The following ADAM23 variants were observed in gnomAD, a reference collection of about 807,000 sequenced individuals.
ADAM23 encodes ADAM metallopeptidase domain 23.
A neutral mutation model predicts 120.1 loss-of-function variants in ADAM23; 33 were observed. The observed-to-expected ratio is 0.27, with a 90% CI of 0.21 to 0.37. The LOEUF is 0.37. Ranked by LOEUF, ADAM23 falls within the 10% of genes least tolerant of loss-of-function variation. The probability of loss-of-function intolerance (pLI) is 1.00; values close to 1 mark genes in which losing one functional copy is unlikely to be tolerated. For synonymous variants in ADAM23, 367 were observed against 375.2 expected, an observed-to-expected ratio of 0.98 and a Z score of 0.25; for missense variants, 862 against 1,058.2, an observed-to-expected ratio of 0.81 and a Z score of 2.57.
intron 12 of ADAM23, among the ~76,000 whole-genome samples, chr2:206,561,610 G>C (rs941894938): frequency 6.6e-6 from 1 of 151,548 alleles, no homozygotes; most frequent in Admixed American, 6.6e-5. Flanking sequence ...TTCTCCCTAT[G>C]TATATATTTT....
In ADAM23 at chr2:206,562,230, GTAT is replaced by G; in HGVS notation, c.1286_1288del (p.Leu429del). 1 of 1,614,042 alleles carries G rather than the reference GTAT, an allele frequency of 6.2e-7. No homozygotes were observed. The highest frequency in any genetic ancestry group is 8.5e-7 in the Non-Finnish European group (1 of 1,179,944). On this transcript the variant is annotated inframe_deletion, in exon 13 of 26. Transcript: ENST00000264377. The stretch of plus-strand genomic sequence containing the variant: ...TGGTCTTCCAATGGCAGTGGCACAA[GTAT>G]TATCGCAGAGCCTGGCTCAAAACCT...
intron 3 of ADAM23, among the ~76,000 whole-genome samples, chr2:206,510,281 A>T (rs1031761934): frequency 2.6e-5 from 4 of 152,210 alleles, no homozygotes; most frequent in Non-Finnish European, 5.9e-5. Flanking sequence ...GATCAGACAA[A>T]TACTGTATTT....
chr2:206,588,015 A>G, intron 19 of ADAM23, 76 bp from the exon 20 acceptor site: 1 of 1,480,300 alleles, frequency 6.8e-7, no homozygotes, highest in Non-Finnish European at 9.4e-7. Flanking sequence ...AGTGAACCAG[A>G]AGGAGACATT....
chr2:206,611,055 A>G (rs1477036128), intron 25 of ADAM23, among the ~76,000 whole-genome samples: 2 of 152,204 alleles, frequency 1.3e-5, no homozygotes, highest in East Asian at 3.8e-4. Flanking sequence ...TTTGAATTCA[A>G]TATGTTTCAG....
At chr2:206,540,604 A>G (rs924866738) in intron 4 of ADAM23, among the ~76,000 whole-genome samples, 5 of 152,148 alleles carry the variant, frequency 3.3e-5, no homozygotes, top group African/African-American at 1.2e-4. Flanking sequence ...ATTTCAGGAG[A>G]TGGAAAGTGG....
intron 3 of ADAM23, among the ~76,000 whole-genome samples, chr2:206,492,363 GAGAGGTGAAC>G: frequency 6.6e-6 from 1 of 152,162 alleles, no homozygotes; most frequent in Non-Finnish European, 1.5e-5. Flanking sequence ...TGGAGGCTTT[GAGAGGTGAAC>G]AGAACCACAC....
At chr2:206,459,669 T>C (rs923725350) in intron 2 of ADAM23, among the ~76,000 whole-genome samples, 2 of 152,198 alleles carry the variant, frequency 1.3e-5, no homozygotes, top group Admixed American at 6.5e-5. Flanking sequence ...TATCTCCACT[T>C]GGATGTCTTA....
chr2:206,593,773 A>G (rs974865550), intron 22 of ADAM23, among the ~76,000 whole-genome samples: 2 of 152,054 alleles, frequency 1.3e-5, no homozygotes, highest in African/African-American at 4.8e-5. Flanking sequence ...ATTCAGCAAG[A>G]TATTCTATTA....
At chr2:206,526,255 A>G (rs201230215) in intron 3 of ADAM23, among the ~76,000 whole-genome samples, 20 of 152,250 alleles carry the variant, frequency 1.3e-4, no homozygotes, top group East Asian at 3.9e-4. Context: ...TGAATTTCCA[A>G]TTCCTAAATA....
At chr2:206,553,525 C>G (rs77606999) in intron 9 of ADAM23, among the ~76,000 whole-genome samples, 9,472 of 152,226 alleles carry the variant, frequency 0.062, 477 homozygotes, top group Admixed American at 0.13. Flanking sequence ...AATAGTACTT[C>G]TTGGCTAATA....
intron 3 of ADAM23, among the ~76,000 whole-genome samples, chr2:206,511,535 T>C (rs1368628456): frequency 2.0e-5 from 3 of 152,186 alleles, no homozygotes; most frequent in Non-Finnish European, 2.9e-5. Context: ...TCTGTTGTTC[T>C]CTGCCTTGGA....
intron 3 of ADAM23, among the ~76,000 whole-genome samples, chr2:206,492,676 C>A (rs1205644635): frequency 1.3e-5 from 2 of 152,032 alleles, no homozygotes; most frequent in African/African-American, 4.8e-5. Flanking sequence ...TCTCCCAAAG[C>A]CTTTATTGTA....
intron 2 of ADAM23, among the ~76,000 whole-genome samples, chr2:206,466,926 G>A (rs1695552313): frequency 1.3e-5 from 2 of 152,268 alleles, no homozygotes; most frequent in East Asian, 3.9e-4. Context: ...TGTCTTACAT[G>A]GCAGGAGTAG....
In ADAM23 at chr2:206,608,416, A is replaced by C. The variant is rs534100283; in HGVS notation, c.2360-1494A>C. 2.0e-5 allele frequency among the ~76,000 whole-genome samples: 3 copies of C among 152,276 alleles called. No individual in the cohort carries two copies. The South Asian group carries it at 6.2e-4, about 32-fold the overall frequency. On this transcript the variant is annotated intron_variant, in intron 24 of 25. Transcript: ENST00000264377. ...CAAACTTCTAGAAGCCTGTTTCCTC[A>C]TCCATTAAACAAGGATAGTCATAGT...
At chr2:206,476,583 T>C (rs575451468) in intron 2 of ADAM23, among the ~76,000 whole-genome samples, 7 of 152,320 alleles carry the variant, frequency 4.6e-5, no homozygotes, top group African/African-American at 1.4e-4. Context: ...TAATGCCTGA[T>C]GATCTGAAGT....
chr2:206,563,512 A>C (rs1228245832), intron 13 of ADAM23, among the ~76,000 whole-genome samples: 1 of 152,144 alleles, frequency 6.6e-6, no homozygotes. Flanking sequence ...CCTAGTACAC[A>C]TTAAAGGAAG....
At chr2:206,493,530 G>A (rs1307913851) in intron 3 of ADAM23, among the ~76,000 whole-genome samples, 2 of 151,980 alleles carry the variant, frequency 1.3e-5, no homozygotes, top group Non-Finnish European at 1.5e-5. Context: ...CCGCCACCAC[G>A]CCCAGCTAAT....
chr2:206,462,471 G>T (rs936672668), intron 2 of ADAM23, among the ~76,000 whole-genome samples: 2 of 152,190 alleles, frequency 1.3e-5, no homozygotes, highest in Admixed American at 1.3e-4. Context: ...ACACTATGGT[G>T]TTCTTCCCCT....
intron 2 of ADAM23, among the ~76,000 whole-genome samples, chr2:206,469,552 T>C (rs1283909545): frequency 6.6e-6 from 1 of 152,222 alleles, no homozygotes; most frequent in Non-Finnish European, 1.5e-5. Context: ...ACCACTTTAG[T>C]GCATAGTCCG....
Sources: gnomAD v4.1 joint callset for allele counts (sites outside exome capture counted in the v4.1 genomes callset) on GRCh38, gnomAD v4.1.1 for gene constraint, MANE v1.5 for transcripts, NCBI Gene and HGNC (gene_info 2026-07-23, HGNC 2026-07-21) for gene names.